GCDH: variants seen among roughly 807,000 people sequenced by gnomAD.
The protein encoded by GCDH is glutaryl-CoA dehydrogenase, mitochondrial.
GCDH carries 31 observed loss-of-function variants against 52.8 expected under a neutral mutation model. The observed-to-expected ratio is 0.59, with a 90% CI of 0.44 to 0.79. GCDH has a LOEUF of 0.79. GCDH is among the 30% of genes least tolerant of loss of function. GCDH has a pLI of 0.00. For missense variants in GCDH, 509 were observed against 595.0 expected (o/e 0.86, Z 1.50); for synonymous variants, 242 against 250.0 (o/e 0.97, Z 0.30).
chr19:12,897,217 G>T, intron 9 of GCDH, 86 bp from the exon 10 acceptor site: 2 of 1,556,764 alleles, frequency 1.3e-6, no homozygotes, highest in South Asian at 1.1e-5. Context: ...AGCCTGGGAA[G>T]GCGTCCTGGA....
chr19:12,894,428 G>A (rs528652767), intron 6 of GCDH: 4 of 748,830 alleles, frequency 5.3e-6, no homozygotes, highest in East Asian at 2.6e-5. Flanking sequence ...TCAGTTCATG[G>A]TTGCATCGTG....
At chr19:12,898,867 A>G (rs938445706) in intron 11 of GCDH, 19 of 188,226 alleles carry the variant, frequency 1.0e-4, no homozygotes, top group South Asian at 4.2e-4. Flanking sequence ...TGCTTCAAGG[A>G]GCTGGGGAGG....
In GCDH at chr19:12,892,171, C is replaced by G. The variant is rs2145940768; in HGVS notation, c.327C>G (p.Thr109=). 6.2e-7 allele frequency: 1 copy of G among 1,613,828 alleles called. No individual in the cohort carries two copies. Among genetic ancestry groups the G allele is most frequent in the South Asian group, 1.1e-5 (1 of 91,080 alleles). The change falls in exon 5 of 12, where the codon ACC becomes ACG. Residue 109 remains threonine (T), a synonymous_variant. Coordinates refer to ENST00000222214, the MANE Select transcript of GCDH (RefSeq NM_000159.4). The stretch of plus-strand genomic sequence containing the variant: ...GGGAGTTGGGTGTGCTGGGCCCCAC[C>G]ATCAAAGGTAGGAACAAGTATCTCT... ...EMGELGVLGP[T]IKGYGCAGVS...
At chr19:12,897,254 G>T in intron 9 of GCDH, 49 bp from the exon 10 acceptor site, 3 of 1,612,044 alleles carry the variant, frequency 1.9e-6, no homozygotes, top group Non-Finnish European at 2.5e-6. Context: ...CAGGGACGGG[G>T]TGGGAGAGTG....
At chr19:12,899,378 G>C (rs781028895) in intron 11 of GCDH, 90 bp from the exon 12 acceptor site, 3 of 1,614,162 alleles carry the variant, frequency 1.9e-6, no homozygotes, top group Non-Finnish European at 2.5e-6. Context: ...TACTTCTGAA[G>C]CAGTGGCCTG....
At chr19:12,893,384 C>CT in intron 5 of GCDH, 99 bp from the exon 6 acceptor site, 1 of 1,064,224 alleles carries the variant, frequency 9.4e-7, no homozygotes, top group Non-Finnish European at 1.5e-6. Flanking sequence ...AGCTTGGTGC[C>CT]TGCCTCCTTG....
chr19:12,891,265 C>T lies in GCDH; in HGVS notation c.-34-6C>T. On this transcript the variant is annotated splice_polypyrimidine_tract_variant and splice_region_variant and intron_variant, in intron 1 of 11. Coordinates refer to ENST00000222214, the MANE Select transcript of GCDH (RefSeq NM_000159.4). ...GAGCTCCGCTCTGACACCCCCGCTC[C>T]TGTAGGTCGCCGTCGTTGCTCCGCT... 1 of 1,550,322 alleles carries T rather than the reference C, an allele frequency of 6.5e-7. No individual in the cohort carries two copies.
At chr19:12,898,748 C>T in intron 11 of GCDH, 1 of 163,240 alleles carries the variant, frequency 6.1e-6, no homozygotes, top group East Asian at 1.8e-4. Flanking sequence ...CCCCACTGCA[C>T]TCCAGCCTGG....
rs1417742838 is a variant in GCDH at position 12,891,333 on chromosome 19, T to C, written c.29T>C (p.Leu10Pro). 3 of 1,611,586 alleles carry C rather than the reference T, an allele frequency of 1.9e-6. No individual in the cohort carries two copies. Among genetic ancestry groups the C allele is most frequent in the Non-Finnish European group, 2.5e-6 (3 of 1,179,944 alleles). The change falls in exon 2 of 12, where the codon CTG becomes CCG. Residue 10 changes from leucine (L) to proline (P), a missense_variant. Leu to Pro is a moderately conservative substitution (Grantham distance 98). Transcript: ENST00000222214. ...GCCCTGAGAGGCGTCTCCGTGCGGCTGCTGAGCCGCGGACCCGGCCTGCAC... is the reference window on the plus strand; with the variant it reads ...GCCCTGAGAGGCGTCTCCGTGCGGCCGCTGAGCCGCGGACCCGGCCTGCAC... MALRGVSVRLLSRGPGLHVL... is the reference protein window; with the variant it reads MALRGVSVRPLSRGPGLHVL...
chr19:12,894,740 AAAG>A (rs1376662135), intron 6 of GCDH: 1 of 838,208 alleles, frequency 1.2e-6, no homozygotes, highest in Non-Finnish European at 1.8e-6. Context: ...TAAGAAAAAT[AAAG>A]AAGAGGCTGC....
chr19:12,893,679 T>G (rs1599610687), intron 6 of GCDH, 26 bp downstream of exon 6: 1 of 1,601,124 alleles, frequency 6.2e-7, no homozygotes. Flanking sequence ...TGGGGCCTGG[T>G]GGAAGGAAGA....
At chr19:12,891,730 C>T (rs1970560991) in intron 3 of GCDH, 101 bp from the exon 4 acceptor site, 8 of 1,605,684 alleles carry the variant, frequency 5.0e-6, no homozygotes, top group African/African-American at 1.3e-5. Context: ...TCGCACTAGC[C>T]GGGGGGCGAC....
At chr19:12,897,919 C>CAGGG (rs1394076753) in intron 11 of GCDH, 56 bp downstream of exon 11, 1 of 1,490,780 alleles carries the variant, frequency 6.7e-7, no homozygotes, top group Non-Finnish European at 9.3e-7. Flanking sequence ...GGAGGGGGTA[C>CAGGG]AGGGAGGTGG....
chr19:12,891,700 T>C lies in GCDH; in HGVS notation c.128-131T>C, dbSNP rs1321883891. On this transcript the variant is annotated intron_variant, in intron 3 of 11. Transcript: ENST00000222214. ...CCTGCGGGGCCGGAGAAAAGTCACC[T>C]GATCAGTCTCGCTTGCAGCTCGCAC... The C allele has an allele frequency of 1.9e-6, 3 of 1,603,378 alleles. No individual in the cohort carries two copies. The Admixed American group carries it at 5.0e-5, about 27-fold the overall frequency.
In GCDH at chr19:12,897,764, G is replaced by A. The variant is rs567564095; in HGVS notation, c.1144G>A (p.Ala382Thr). Residue 382 changes from alanine (A) to threonine (T), a missense_variant, in exon 11 of 12, where the codon GCC (alanine) becomes ACC (threonine). By Grantham distance (58) the Ala-to-Thr change is moderately conservative. Transcript: ENST00000222214. ...RNNCGKALDI[A>T]RQARDMLGGN... is the part of the protein sequence containing the mutation. ...TAACTGTGGGAAAGCCCTGGACATC[G>A]CCCGCCAGGCCCGAGACATGCTGGG... 9.3e-6 allele frequency: 15 copies of A among 1,614,028 alleles called. No individual in the cohort carries two copies. The African/African-American group carries it at 1.3e-4, about 14-fold the overall frequency.
chr19:12,892,356 A>ATC, intron 5 of GCDH, 178 bp downstream of exon 5: 1 of 656,574 alleles, frequency 1.5e-6, no homozygotes, highest in Non-Finnish European at 2.7e-6. Flanking sequence ...CAGTGGCACG[A>ATC]TCTTGGCTCA....
rs1195323862 is a variant in GCDH, at chr19:12,896,799, C to A, written c.853-111C>A. 1.3e-6 allele frequency: 1 copy of A among 757,766 alleles called. No individual in the cohort carries two copies. The highest frequency in any genetic ancestry group is 2.3e-6 in the Non-Finnish European group (1 of 430,490). The allele number at this position is 757,766 out of a possible 1,614,324, so 46.9% of individuals were successfully genotyped here. The stretch of plus-strand genomic sequence containing the variant: ...CTGTGATGTGAACCACAACCTGAGT[C>A]CCCCTGCGTGGGGTGGCTGGGGAGG... On this transcript the variant is annotated intron_variant, in intron 8 of 11. Transcript: ENST00000222214. The surrounding 1 kb of genome is among the most constrained non-coding windows in gnomAD (Gnocchi z 5.5).
intron 10 of GCDH, 50 bp downstream of exon 10, chr19:12,897,478 C>T: frequency 6.3e-7 from 1 of 1,598,726 alleles, no homozygotes; most frequent in Non-Finnish European, 8.6e-7. Flanking sequence ...GGCTGGAGGA[C>T]CTTGTGTCCT....
intron 6 of GCDH, among the ~76,000 whole-genome samples, chr19:12,895,723 TG>T (rs1013078020): frequency 3.2e-4 from 49 of 151,532 alleles, no homozygotes; most frequent in Non-Finnish European, 4.6e-4. Context: ...GCGATTCTCC[TG>T]CCTCAGTCTC....
Sources: allele counts gnomAD v4.1 joint callset (sites outside exome capture counted in the v4.1 genomes callset), GRCh38; gene constraint gnomAD v4.1.1; non-coding constraint Gnocchi (gnomAD v3.1); transcripts MANE v1.5; gene names NCBI Gene and HGNC (gene_info 2026-07-23, HGNC 2026-07-21).